The following AHCY variants were observed in gnomAD, a reference collection of about 807,000 sequenced individuals.
AHCY encodes adenosylhomocysteinase, also known as S-adenosyl-L-homocysteine hydrolase.
In AHCY, 24 loss-of-function variants were observed where a neutral mutation model predicts 45.4. The ratio of observed to expected loss-of-function variants is 0.53; its 90% CI spans 0.38 to 0.74. AHCY has a LOEUF of 0.74. Among genes scored for constraint, AHCY ranks in the 30% least tolerant of loss-of-function variants. The probability of loss-of-function intolerance (pLI) is 0.00; values close to 1 mark genes in which losing one functional copy is unlikely to be tolerated. For missense variants in AHCY, 449 were observed against 594.1 expected (o/e 0.76, Z 2.54); for synonymous variants, 245 against 235.1 (o/e 1.04, Z -0.39).
chr20:34,304,825 A>ATTAC (rs1403691511), upstream of AHCY, among the ~76,000 whole-genome samples: 12 of 151,884 alleles, frequency 7.9e-5, no homozygotes, highest in Admixed American at 4.6e-4. Flanking sequence ...AGTAGCTGGG[A>ATTAC]TTACAGGCAT....
the AHCY span, among the ~76,000 whole-genome samples, chr20:34,253,499 G>T: frequency 1.3e-5 from 2 of 150,636 alleles, no homozygotes; most frequent in Admixed American, 6.7e-5. Context: ...TAGAGACAGA[G>T]TCTTGCTCCG....
the AHCY span, among the ~76,000 whole-genome samples, chr20:34,265,343 T>C: frequency 6.6e-6 from 1 of 151,850 alleles, no homozygotes. Context: ...AGCAACATGA[T>C]GAAACCTCAT....
At chr20:34,300,032 A>T (rs1874877776) in intron 1 of AHCY, among the ~76,000 whole-genome samples, 1 of 152,130 alleles carries the variant, frequency 6.6e-6, no homozygotes, top group Non-Finnish European at 1.5e-5. Flanking sequence ...TAAAAATACA[A>T]AAATTAGTTG....
At chr20:34,255,387 G>A in the AHCY span, among the ~76,000 whole-genome samples, 1 of 151,924 alleles carries the variant, frequency 6.6e-6, no homozygotes, top group Admixed American at 6.6e-5. Flanking sequence ...AACCTCCCAG[G>A]TTCAAGCAAT....
At chr20:34,303,014 C>T in intron 1 of AHCY, 1 of 985,392 alleles carries the variant, frequency 1.0e-6, no homozygotes, top group Non-Finnish European at 1.2e-6. Flanking sequence ...CGCGGCGGCC[C>T]CGGCGTCGCG....
At chr20:34,253,792 G>C in the AHCY span, among the ~76,000 whole-genome samples, 73 of 152,190 alleles carry the variant, frequency 4.8e-4, no homozygotes, top group African/African-American at 1.8e-3. Context: ...TGAGACCTAG[G>C]TGGACCTAGG....
the AHCY span, among the ~76,000 whole-genome samples, chr20:34,259,280 T>C: frequency 2.0e-5 from 3 of 151,482 alleles, no homozygotes; most frequent in Non-Finnish European, 4.4e-5. Flanking sequence ...GCAGTGGCAG[T>C]GGCTGGCGGA....
rs761509509 is a variant in AHCY, at chr20:34,290,807, C to T, written c.690G>A (p.Gln230=). 3 of 1,614,202 alleles carry T rather than the reference C, an allele frequency of 1.9e-6. No homozygotes were observed. The highest frequency in any genetic ancestry group is 1.3e-5 in the African/African-American group (1 of 75,048). The change falls in exon 6 of 10, where the codon CAG becomes CAA. Residue 230 remains glutamine, a synonymous_variant. Coordinates refer to ENST00000217426, the MANE Select transcript of AHCY (RefSeq NM_000687.4). This position sits in a 1 kb window ranked among gnomAD's most constrained non-coding sequence, Gnocchi z 4.5. ...GYGDVGKGCA[Q]ALRGFGARVI... ...CGCGGGCTCCGAAACCCCGCAGGGC[C>T]TGGGCACAGCCCTTGCCCACATCAC...
rs2122760447 is a variant in AHCY at position 34,290,911 on chromosome 20, G to A, written c.586C>T (p.Arg196Trp). 1.2e-6 allele frequency: 2 copies of A among 1,614,132 alleles called. No homozygotes were observed. Among genetic ancestry groups the A allele is most frequent in the Non-Finnish European group, 8.5e-7 (1 of 1,180,028 alleles). Residue 196 changes from arginine (R) to tryptophan (W), a missense_variant, in exon 6 of 10, where the codon CGG becomes TGG. Transcript: ENST00000217426. This position sits in a 1 kb window ranked among gnomAD's most constrained non-coding sequence, Gnocchi z 4.5. Reference sequence around the variant, plus strand: ...TTGATGCCATCTATGAGGGACTCCCGGCAGCCATAGAGGTTGTCAAACTTG... The same window carrying A: ...TTGATGCCATCTATGAGGGACTCCCAGCAGCCATAGAGGTTGTCAAACTTG... ...KSKFDNLYGC[R>W]ESLIDGIKRA...
intron 8 of AHCY, chr20:34,285,930 C>T: frequency 2.6e-6 from 1 of 379,210 alleles, no homozygotes; most frequent in Non-Finnish European, 5.0e-6. Context: ...GAAAGCCCGT[C>T]TCTACTAAAA....
At chr20:34,242,257 C>T in the AHCY span, among the ~76,000 whole-genome samples, 5 of 151,546 alleles carry the variant, frequency 3.3e-5, no homozygotes, top group East Asian at 1.9e-4. Flanking sequence ...ATTTTTGAGA[C>T]GGAGTCTCAC....
At chr20:34,268,250 C>G in the AHCY span, among the ~76,000 whole-genome samples, 1 of 152,158 alleles carries the variant, frequency 6.6e-6, no homozygotes, top group Non-Finnish European at 1.5e-5. Context: ...GGAAAAGAAG[C>G]AGCAAGCTGT....
chr20:34,287,082 C>T (rs895714470), intron 8 of AHCY, among the ~76,000 whole-genome samples: 2 of 152,176 alleles, frequency 1.3e-5, no homozygotes, highest in Non-Finnish European at 2.9e-5. Context: ...CCTCAGGCAG[C>T]CTCCCAAACA....
the AHCY span, among the ~76,000 whole-genome samples, chr20:34,275,130 TC>T: frequency 0.017 from 2,135 of 128,478 alleles, 64 homozygotes; most frequent in African/African-American, 0.052. Flanking sequence ...TTCTCTATTT[TC>T]TTTTTTTTTT....
chr20:34,232,909 A>T, the AHCY span, among the ~76,000 whole-genome samples: 1 of 152,170 alleles, frequency 6.6e-6, no homozygotes, highest in Admixed American at 6.5e-5. Context: ...ACTATTTGCC[A>T]GGTTGCAGTG....
intron 2 of AHCY, 59 bp from the exon 3 acceptor site, chr20:34,294,215 G>A (rs940328931): frequency 1.7e-5 from 26 of 1,504,338 alleles, no homozygotes; most frequent in African/African-American, 1.2e-4. Context: ...CACCAGGGAC[G>A]CTGGGCGAGG....
the AHCY span, among the ~76,000 whole-genome samples, chr20:34,247,492 G>T: frequency 7.2e-4 from 109 of 151,334 alleles, 1 homozygote; most frequent in Middle Eastern, 0.035. Context: ...TAGAGACGAG[G>T]TTTCATCATG....
the AHCY span, among the ~76,000 whole-genome samples, chr20:34,257,070 CTTTTTTT>C: frequency 7.2e-5 from 10 of 139,458 alleles, no homozygotes; most frequent in Non-Finnish European, 1.1e-4. Flanking sequence ...CTTTCTTTCT[CTTTTTTT>C]TTTTTGTTTT....
intron 1 of AHCY, among the ~76,000 whole-genome samples, chr20:34,297,486 C>T (rs1215586562): frequency 2.0e-5 from 3 of 151,840 alleles, no homozygotes; most frequent in African/African-American, 4.8e-5. Flanking sequence ...TTAGAGGAGA[C>T]GGGGTTTCAC....
Sources: gnomAD v4.1 joint callset for allele counts (sites outside exome capture counted in the v4.1 genomes callset) on GRCh38, gnomAD v4.1.1 for gene constraint, Gnocchi (gnomAD v3.1) non-coding constraint, MANE v1.5 for transcripts, NCBI Gene and HGNC (gene_info 2026-07-23, HGNC 2026-07-21) for gene names.